ZNHIT6: variants seen among roughly 807,000 people sequenced by gnomAD.
ZNHIT6 encodes box C/D snoRNA protein 1.
In ZNHIT6, 45 loss-of-function variants were observed where a neutral mutation model predicts 57.2. The ratio of observed to expected loss-of-function variants is 0.79; its 90% CI spans 0.62 to 1.01. The LOEUF (loss-of-function observed/expected upper bound fraction) is 1.01. ZNHIT6 is among the 50% of genes least tolerant of loss of function. The pLI is 0.00. For missense variants in ZNHIT6, 528 were observed against 567.3 expected (o/e 0.93, Z 0.70); for synonymous variants, 188 against 190.0 (o/e 0.99, Z 0.09).
chr1:85,708,268 TCAG>T lies in ZNHIT6; in HGVS notation c.14_16del (p.Ala5del). 6.2e-7 allele frequency: 1 copy of T among 1,600,992 alleles called. No homozygotes were observed. The highest frequency in any genetic ancestry group is 8.5e-7 in the Non-Finnish European group (1 of 1,171,492). On this transcript the variant is annotated inframe_deletion, in exon 1 of 10. Transcript: ENST00000370574. ...ACCTCCCCCAGACTTCCCTTCATTT[TCAG>T]CAGCAAACTCCATCAACTCACGATC... is the stretch of plus-strand genomic sequence containing the variant.
At chr1:85,704,255 C>G (rs1662616426) in intron 4 of ZNHIT6, among the ~76,000 whole-genome samples, 1 of 152,132 alleles carries the variant, frequency 6.6e-6, no homozygotes, top group African/African-American at 2.4e-5. Flanking sequence ...CACAACAAAG[C>G]AATTCTATTC....
At chr1:85,672,622 A>T (rs1159794117) in intron 8 of ZNHIT6, among the ~76,000 whole-genome samples, 2 of 152,166 alleles carry the variant, frequency 1.3e-5, no homozygotes, top group African/African-American at 4.8e-5. Context: ...AGACTTAGAC[A>T]TAGGTTTCTT....
At position 85,651,261 on chromosome 1, in the gene ZNHIT6, C is replaced by T. The variant is rs1046097738; in HGVS notation, c.*2797G>A. 1 of 151,340 alleles carries T rather than the reference C, an allele frequency of 6.6e-6. No homozygotes were observed. The highest frequency in any genetic ancestry group is 1.5e-5 in the Non-Finnish European group (1 of 67,932). 9.4% of individuals were successfully genotyped at this position (151,340 alleles called of 1,614,324 possible). On this transcript the variant is annotated 3_prime_UTR_variant, in exon 10 of 10. Transcript: ENST00000370574. ...TTTTTTTTTTTTTGAGGCAGAGTCT[C>T]ATTCTGTCACCCAGGCAGTGCCCAG...
At chr1:85,662,590 G>A (rs1661255972) in intron 8 of ZNHIT6, among the ~76,000 whole-genome samples, 1 of 151,972 alleles carries the variant, frequency 6.6e-6, no homozygotes, top group Non-Finnish European at 1.5e-5. Context: ...AACAATTTTT[G>A]CAACTCCTAA....
At chr1:85,690,924 G>A (rs990850035) in intron 5 of ZNHIT6, among the ~76,000 whole-genome samples, 12 of 152,134 alleles carry the variant, frequency 7.9e-5, no homozygotes, top group South Asian at 6.2e-4. Context: ...TACTCAGGAG[G>A]CTGAGGCAGA....
At chr1:85,683,927 C>A (rs558512979) in intron 5 of ZNHIT6, among the ~76,000 whole-genome samples, 3 of 152,182 alleles carry the variant, frequency 2.0e-5, no homozygotes, top group African/African-American at 7.2e-5. Flanking sequence ...TAGGAACACT[C>A]ATACACCCAG....
At chr1:85,677,194 A>C in intron 8 of ZNHIT6, 42 bp downstream of exon 8, 1 of 1,467,396 alleles carries the variant, frequency 6.8e-7, no homozygotes, top group Non-Finnish European at 9.3e-7. Context: ...ATATTACAGA[A>C]CTAAAAAATA....
chr1:85,686,475 C>G (rs975534949), intron 5 of ZNHIT6, among the ~76,000 whole-genome samples: 16 of 152,064 alleles, frequency 1.1e-4, no homozygotes, highest in African/African-American at 3.1e-4. Flanking sequence ...CAAACGGAGG[C>G]TAAACTCAAA....
intron 4 of ZNHIT6, among the ~76,000 whole-genome samples, chr1:85,705,078 C>A (rs763256120): frequency 6.6e-6 from 1 of 152,218 alleles, no homozygotes; most frequent in African/African-American, 2.4e-5. Flanking sequence ...CATAATTGGT[C>A]TCCCTGCTTC....
chr1:85,658,945 C>T (rs563450423), intron 8 of ZNHIT6, among the ~76,000 whole-genome samples: 2 of 149,074 alleles, frequency 1.3e-5, no homozygotes, highest in South Asian at 2.1e-4. Flanking sequence ...GATGAGCTAA[C>T]TATTTGAATT....
rs1662679858 is a variant in ZNHIT6, at chr1:85,706,232, T to C, written c.829+17A>G. On this transcript the variant is annotated intron_variant, in intron 3 of 9. Transcript: ENST00000370574. ...ATGGCCAGGAAGCCTCAATTTGCTA[T>C]GCATAAAGTGGCTTACCACTTAGGA... The C allele has an allele frequency of 6.2e-7, 1 of 1,609,696 alleles. No individual in the cohort carries two copies. Among genetic ancestry groups the C allele is most frequent in the Non-Finnish European group, 8.5e-7 (1 of 1,177,068 alleles).
intron 8 of ZNHIT6, among the ~76,000 whole-genome samples, chr1:85,666,414 A>T (rs892654627): frequency 2.0e-5 from 3 of 152,214 alleles, no homozygotes; most frequent in African/African-American, 7.2e-5. Context: ...TATATTTCAC[A>T]TAATTTCCTT....
rs142440860 is a variant in ZNHIT6 at position 85,664,187 on chromosome 1, A to G, written c.1248-6216T>C. On this transcript the variant is annotated intron_variant, in intron 8 of 9. Coordinates refer to ENST00000370574, the MANE Select transcript of ZNHIT6 (RefSeq NM_017953.4). ...CTCCCCATCCCCTTCAGGGATGCCA[A>G]TGATTCGTAGATTTGGCCTCTTTAC... Among the ~76,000 whole-genome samples, 35 of 152,266 alleles carry G rather than the reference A, an allele frequency of 2.3e-4. 2 individuals carry two copies. The South Asian group carries it at 2.7e-3, about 12-fold the overall frequency.
intron 9 of ZNHIT6, among the ~76,000 whole-genome samples, chr1:85,656,895 G>A (rs910343885): frequency 5.9e-5 from 9 of 152,072 alleles, no homozygotes; most frequent in African/African-American, 2.2e-4. Flanking sequence ...ATAGGTTACT[G>A]CATCTTACAG....
intron 5 of ZNHIT6, among the ~76,000 whole-genome samples, chr1:85,687,287 ACAAAAAAAAAAC>A (rs1416527693): frequency 0.033 from 4,228 of 127,888 alleles, 930 homozygotes; most frequent in East Asian, 0.095. Flanking sequence ...ATCTCAAAAA[ACAAAAAAAAAAC>A]AAAAAAAAAA....
At chr1:85,672,504 C>A (rs547679868) in intron 8 of ZNHIT6, among the ~76,000 whole-genome samples, 2 of 152,256 alleles carry the variant, frequency 1.3e-5, no homozygotes, top group African/African-American at 4.8e-5. Context: ...GCCCTCTGTA[C>A]CCTCTCCTAG....
chr1:85,705,506 G>A (rs1662662136), intron 4 of ZNHIT6, among the ~76,000 whole-genome samples: 1 of 152,078 alleles, frequency 6.6e-6, no homozygotes, highest in Admixed American at 6.6e-5. Flanking sequence ...ATGAGCCACT[G>A]CACCCAACTC....
At position 85,706,299 on chromosome 1, in the gene ZNHIT6, T is replaced by C; in HGVS notation, c.779A>G (p.Lys260Arg). The change falls in exon 3 of 10, where the codon AAA becomes AGA. Residue 260 changes from lysine to arginine, a missense_variant. Physicochemically the swap from Lys to Arg is conservative, Grantham distance 26 (BLOSUM62 2). Transcript: ENST00000370574. ...AELTCNGVRD[K>R]TAYISIQQFT... ...CTGTTGTATTGAAATGTATGCAGTTTTATCTCGAACTCCATTACATGTCAG... is the reference window on the plus strand; with the variant it reads ...CTGTTGTATTGAAATGTATGCAGTTCTATCTCGAACTCCATTACATGTCAG... The C allele has an allele frequency of 3.1e-6, 5 of 1,613,264 alleles. No homozygotes were observed. Among genetic ancestry groups the C allele is most frequent in the Non-Finnish European group, 4.2e-6 (5 of 1,179,520 alleles).
In ZNHIT6 at chr1:85,700,587, G is replaced by A. The variant is rs1290022334; in HGVS notation, c.1019+1570C>T. On this transcript the variant is annotated intron_variant, in intron 5 of 9. Coordinates refer to ENST00000370574, the MANE Select transcript of ZNHIT6 (RefSeq NM_017953.4). The stretch of plus-strand genomic sequence containing the variant: ...CTACAGACACAAAAATGTTATACTT[G>A]AGGCCATCTGCTTTTCATTACTGAG... 2.0e-5 allele frequency among the ~76,000 whole-genome samples: 3 copies of A among 152,082 alleles called. No individual in the cohort carries two copies. In the East Asian group the frequency reaches 5.8e-4, roughly 29 times the overall value.
Sources: allele counts gnomAD v4.1 joint callset (sites outside exome capture counted in the v4.1 genomes callset), GRCh38; gene constraint gnomAD v4.1.1; transcripts MANE v1.5; gene names NCBI Gene and HGNC (gene_info 2026-07-23, HGNC 2026-07-21).